The following P3H2 variants were observed in gnomAD, a reference collection of about 807,000 sequenced individuals.
The protein encoded by P3H2 is leprecan-like 1.
A neutral mutation model predicts 87.0 loss-of-function variants in P3H2; 80 were observed. That is an observed-to-expected ratio of 0.92 (90% CI 0.77 to 1.11). P3H2 has a LOEUF of 1.11. Among genes scored for constraint, P3H2 ranks in the 50% least tolerant of loss-of-function variants. The pLI, the probability that P3H2 is intolerant of heterozygous loss-of-function variation, is 0.00. For synonymous variants in P3H2, 367 were observed against 359.3 expected (o/e 1.02, Z -0.24); for missense variants, 1,001 against 923.9 (o/e 1.08, Z -1.08).
rs267599731 is a variant in P3H2 at position 189,974,654 on chromosome 3, G to A, written c.1356C>T (p.Phe452=). The change falls in exon 9 of 15, where the codon TTC becomes TTT. Residue 452 remains phenylalanine (F), a synonymous_variant. Coordinates refer to ENST00000319332, the MANE Select transcript of P3H2 (RefSeq NM_018192.4). ...GGPLLYENIT[F]VYNSEQLNGT... ...CGTTCAGCTGCTCCGAGTTGTAGAC[G>A]AATGTGATGTTCTCATAGAGTAGAG... 73 of 1,614,054 alleles carry A rather than the reference G, an allele frequency of 4.5e-5. No individual in the cohort carries two copies. The highest frequency in any genetic ancestry group is 1.6e-4 in the South Asian group (15 of 91,088).
intron 3 of P3H2, among the ~76,000 whole-genome samples, chr3:189,993,822 T>G (rs1374920): frequency 6.6e-6 from 1 of 151,772 alleles, no homozygotes; most frequent in East Asian, 1.9e-4. Context: ...TTGAAAAACA[T>G]TATATATAGT....
chr3:189,962,161 C>CTTTTTTTTTTTTTTTTTTTTTTTTTTTT (rs770628547), intron 14 of P3H2, among the ~76,000 whole-genome samples: 3 of 87,648 alleles, frequency 3.4e-5, no homozygotes, highest in African/African-American at 9.4e-5. Context: ...TCTTCTTCTT[C>CTTTTTTTTTTTTTTTTTTTTTTTTTTTT]TTTTTTTTTT....
chr3:190,090,270 C>T (rs951146885), intron 1 of P3H2, among the ~76,000 whole-genome samples: 14 of 151,772 alleles, frequency 9.2e-5, no homozygotes, highest in East Asian at 1.9e-4. Context: ...TGGAGTATAC[C>T]GGATCAAAGG....
At chr3:189,974,482 T>G in intron 9 of P3H2, 76 bp downstream of exon 9, 284 of 1,589,620 alleles carry the variant, frequency 1.8e-4, no homozygotes, top group Non-Finnish European at 2.3e-4. Context: ...TGGCTCCAGA[T>G]GAGACCAGGA....
At chr3:190,083,557 A>C (rs1447280122) in intron 1 of P3H2, among the ~76,000 whole-genome samples, 2 of 152,246 alleles carry the variant, frequency 1.3e-5, no homozygotes, top group Non-Finnish European at 2.9e-5. Context: ...ATCTGTCATC[A>C]AAGGATCCAC....
chr3:189,991,693 G>GA (rs1168456186), intron 3 of P3H2, among the ~76,000 whole-genome samples: 1 of 152,226 alleles, frequency 6.6e-6, no homozygotes, highest in Non-Finnish European at 1.5e-5. Flanking sequence ...AAAAGCAGGA[G>GA]AGAGAGTGAG....
intron 1 of P3H2, among the ~76,000 whole-genome samples, chr3:190,034,854 T>C (rs1323807930): frequency 5.9e-4 from 4 of 6,754 alleles, no homozygotes; most frequent in African/African-American, 2.0e-3. Context: ...TTTTCTTTTC[T>C]TTTTTTTTTT....
At chr3:190,098,152 AT>A (rs1312152603) in intron 1 of P3H2, among the ~76,000 whole-genome samples, 66 of 152,336 alleles carry the variant, frequency 4.3e-4, no homozygotes, top group African/African-American at 1.5e-3. Context: ...ATACATTTGT[AT>A]ACACTACATT....
At chr3:190,052,111 C>T (rs528106862) in intron 1 of P3H2, among the ~76,000 whole-genome samples, 8 of 152,200 alleles carry the variant, frequency 5.3e-5, no homozygotes, top group East Asian at 3.9e-4. Context: ...CTGGGATACA[C>T]GTGCAGAACG....
intron 1 of P3H2, among the ~76,000 whole-genome samples, chr3:190,027,249 C>T (rs569886284): frequency 2.0e-5 from 3 of 152,180 alleles, no homozygotes; most frequent in African/African-American, 7.2e-5. Flanking sequence ...CCACTTAGCT[C>T]TGGACAGAGA....
chr3:190,101,895 C>T (rs1346091966), intron 1 of P3H2, among the ~76,000 whole-genome samples: 2 of 152,156 alleles, frequency 1.3e-5, no homozygotes, highest in Non-Finnish European at 2.9e-5. Flanking sequence ...TAGAGCTAAT[C>T]CAGCTGGTGA....
chr3:190,015,404 T>C (rs1724720677), intron 1 of P3H2, among the ~76,000 whole-genome samples: 1 of 152,206 alleles, frequency 6.6e-6, no homozygotes, highest in South Asian at 2.1e-4. Context: ...TGTAAAAGCA[T>C]GCTTCAGTGT....
intron 1 of P3H2, among the ~76,000 whole-genome samples, chr3:190,059,979 C>G (rs1726286250): frequency 6.6e-6 from 1 of 152,126 alleles, no homozygotes; most frequent in African/African-American, 2.4e-5. Context: ...GGAAATTTTT[C>G]CAGGTATCTA....
chr3:189,987,817 AG>A, intron 4 of P3H2, 148 bp from the exon 5 acceptor site: 1 of 850,072 alleles, frequency 1.2e-6, no homozygotes, highest in Non-Finnish European at 1.9e-6. Flanking sequence ...AAGCAGAAAC[AG>A]TCACAGATAA....
At chr3:190,083,485 T>C (rs1467413981) in intron 1 of P3H2, among the ~76,000 whole-genome samples, 2 of 152,164 alleles carry the variant, frequency 1.3e-5, no homozygotes, top group Non-Finnish European at 2.9e-5. Context: ...GATCAAACCA[T>C]TTTCAAAGGA....
intron 1 of P3H2, among the ~76,000 whole-genome samples, chr3:190,057,454 G>A (rs1726194627): frequency 6.6e-6 from 1 of 152,084 alleles, no homozygotes; most frequent in Non-Finnish European, 1.5e-5. Flanking sequence ...GAAATTCTCT[G>A]CTCCTTCTCA....
At chr3:190,081,293 A>G (rs1727033665) in intron 1 of P3H2, among the ~76,000 whole-genome samples, 2 of 152,190 alleles carry the variant, frequency 1.3e-5, no homozygotes, top group African/African-American at 4.8e-5. Context: ...AAAGAGATAG[A>G]AGTCTTTAAG....
intron 1 of P3H2, among the ~76,000 whole-genome samples, chr3:190,069,716 G>A (rs1726631713): frequency 6.6e-6 from 1 of 152,202 alleles, no homozygotes; most frequent in African/African-American, 2.4e-5. Flanking sequence ...GGGAAGAAAT[G>A]TCTGGAGAAG....
chr3:190,012,780 T>C (rs1724634548), intron 1 of P3H2, among the ~76,000 whole-genome samples: 1 of 152,198 alleles, frequency 6.6e-6, no homozygotes, highest in South Asian at 2.1e-4. Context: ...TATGTCTGTA[T>C]TCCCCCCAGT....
Sources: allele counts gnomAD v4.1 joint callset (sites outside exome capture counted in the v4.1 genomes callset), GRCh38; gene constraint gnomAD v4.1.1; transcripts MANE v1.5; gene names NCBI Gene and HGNC (gene_info 2026-07-23, HGNC 2026-07-21).